The following IL12RB1 variants were observed in gnomAD, a reference collection of about 807,000 sequenced individuals.
IL12RB1 encodes interleukin 12 receptor subunit beta 1.
Under a neutral mutation model 94.4 loss-of-function variants are expected in IL12RB1, and 64 were observed. That is an observed-to-expected ratio of 0.68 (90% CI 0.55 to 0.83). The LOEUF (loss-of-function observed/expected upper bound fraction) is 0.83. IL12RB1 is among the 40% of genes least tolerant of loss of function. The pLI, the probability that IL12RB1 is intolerant of heterozygous loss-of-function variation, is 0.00. For synonymous variants in IL12RB1, 362 were observed against 355.5 expected, an observed-to-expected ratio of 1.02 and a Z score of -0.21; for missense variants, 814 against 855.6, an observed-to-expected ratio of 0.95 and a Z score of 0.61.
Position 18,059,576 on chromosome 19 carries a change from G to T in IL12RB1, c.*32C>A. On this transcript the variant is annotated 3_prime_UTR_variant, in exon 17 of 17. Coordinates refer to ENST00000593993, the MANE Select transcript of IL12RB1 (RefSeq NM_005535.3). ...TCCTGTGTGTGCTACGTAGCCTCGG[G>T]CGAGTCACTCACCCTCTCTGAGCCT... The T allele has an allele frequency of 2.6e-6, 2 of 780,020 alleles. No homozygotes were observed. The highest frequency in any genetic ancestry group is 1.3e-5 in the South Asian group (1 of 74,428). 48.3% of individuals were successfully genotyped at this position (780,020 alleles called of 1,614,324 possible).
intron 15 of IL12RB1, 132 bp downstream of exon 15, chr19:18,060,990 A>G: frequency 6.4e-6 from 4 of 624,334 alleles, no homozygotes; most frequent in South Asian, 1.9e-5. Context: ...TTAAAATGGG[A>G]AGGGGTATGG....
In IL12RB1 at chr19:18,060,099, G is replaced by A. The variant is rs749091032; in HGVS notation, c.1792-14C>T. On this transcript the variant is annotated splice_polypyrimidine_tract_variant and intron_variant, in intron 15 of 16. Coordinates refer to ENST00000593993, the MANE Select transcript of IL12RB1 (RefSeq NM_005535.3). Reference sequence around the variant, plus strand: ...CCACTGCCAAGTCTGCAGAGGGAGGGTAGGGCCACAGCTGTGAGCAGAGCT... The same window carrying A: ...CCACTGCCAAGTCTGCAGAGGGAGGATAGGGCCACAGCTGTGAGCAGAGCT... 2.0e-6 allele frequency: 3 copies of A among 1,503,536 alleles called. No individual in the cohort carries two copies. Among genetic ancestry groups the A allele is most frequent in the Admixed American group, 1.7e-5 (1 of 58,836 alleles). The allele number at this position is 1,503,536 out of a possible 1,614,324, so 93.1% of individuals were successfully genotyped here.
At chr19:18,089,976 C>G (rs543488504), upstream of IL12RB1, among the ~76,000 whole-genome samples, 24 of 152,298 alleles carry the variant, frequency 1.6e-4, no homozygotes, top group African/African-American at 5.8e-4. Context: ...TCTCTGGCCC[C>G]GGGGCCCAGG....
chr19:18,081,618 C>T (rs1211147955), intron 3 of IL12RB1, among the ~76,000 whole-genome samples: 1 of 151,574 alleles, frequency 6.6e-6, no homozygotes, highest in Non-Finnish European at 1.5e-5. Flanking sequence ...GCCAGGAGTT[C>T]AAGACCAGCC....
In IL12RB1 at chr19:18,066,642, A is replaced by G; in HGVS notation, c.1383T>C (p.Ser461=). 1.2e-6 allele frequency: 2 copies of G among 1,611,578 alleles called. No individual in the cohort carries two copies. Among genetic ancestry groups the G allele is most frequent in the South Asian group, 2.2e-5 (2 of 91,036 alleles). ...HVSVKNHSLD[S]VSVDWAPSLL... ...GGGATGGTGCCCAGTCCACAGACACAGAGTCCAAGCTATGATTCTTCACCG... is the reference window on the plus strand; with the variant it reads ...GGGATGGTGCCCAGTCCACAGACACGGAGTCCAAGCTATGATTCTTCACCG... Residue 461 remains serine (S), a synonymous_variant, in exon 12 of 17, where the codon TCT becomes TCC. Coordinates refer to ENST00000593993, the MANE Select transcript of IL12RB1 (RefSeq NM_005535.3).
At chr19:18,073,049 G>A (rs558980143) in intron 8 of IL12RB1, among the ~76,000 whole-genome samples, 1 of 151,968 alleles carries the variant, frequency 6.6e-6, no homozygotes, top group African/African-American at 2.4e-5. Context: ...CAGCCCATTA[G>A]GGACCTGACT....
chr19:18,072,389 A>C (rs374741190), intron 8 of IL12RB1, 40 bp from the exon 9 acceptor site: 91 of 1,305,574 alleles, frequency 7.0e-5, no homozygotes, highest in Middle Eastern at 1.8e-4. Flanking sequence ...GTACCTGATC[A>C]CACTCATCAT....
chr19:18,082,489 A>C (rs1213143956), intron 2 of IL12RB1, among the ~76,000 whole-genome samples: 2 of 149,624 alleles, frequency 1.3e-5, no homozygotes, highest in African/African-American at 2.5e-5. Flanking sequence ...CTCTCTCTCT[A>C]TCCCTCACCC....
chr19:18,076,192 T>C (rs937291255), intron 6 of IL12RB1, 105 bp downstream of exon 6: 2 of 761,226 alleles, frequency 2.6e-6, no homozygotes, highest in East Asian at 2.4e-5. Flanking sequence ...TGGGGCAGGG[T>C]AAGAGGCATA....
Position 18,068,643 on chromosome 19 carries a change from G to T in IL12RB1, c.1190-117C>A, listed in dbSNP as rs1306013564. 5 of 804,892 alleles carry T rather than the reference G, an allele frequency of 6.2e-6. No homozygotes were observed. In the African/African-American group the frequency reaches 8.5e-5, roughly 14 times the overall value. 49.9% of individuals were successfully genotyped at this position (804,892 alleles called of 1,614,324 possible). A position where few individuals can be genotyped will look rare whatever the true frequency, so the allele number is the denominator to read the frequency against. ...AGAAAACTCCTACTCATGTTTCAAA[G>T]CCCTTGCACCAATATCCCCTCCTCC... On this transcript the variant is annotated intron_variant, in intron 10 of 16. Coordinates refer to ENST00000593993, the MANE Select transcript of IL12RB1 (RefSeq NM_005535.3).
intron 1 of IL12RB1, among the ~76,000 whole-genome samples, chr19:18,098,377 G>A (rs916395761): frequency 2.6e-4 from 39 of 150,050 alleles, no homozygotes; most frequent in African/African-American, 9.0e-4. Flanking sequence ...GATTCGATCT[G>A]CGCCCTCAAC....
At chr19:18,095,258 C>G (rs2036837680) in intron 1 of IL12RB1, among the ~76,000 whole-genome samples, 1 of 151,972 alleles carries the variant, frequency 6.6e-6, no homozygotes, top group Non-Finnish European at 1.5e-5. Context: ...GAATAGCTAC[C>G]AAAATGTGAA....
At position 18,066,634 on chromosome 19, in the gene IL12RB1, A is replaced by G. The variant is rs1162752452; in HGVS notation, c.1391T>C (p.Val464Ala). 5 of 1,612,348 alleles carry G rather than the reference A, an allele frequency of 3.1e-6. No individual in the cohort carries two copies. Among genetic ancestry groups the G allele is most frequent in the Non-Finnish European group, 4.2e-6 (5 of 1,178,712 alleles). Residue 464 changes from valine to alanine, a missense_variant, in exon 12 of 17, where the codon GTG (valine) becomes GCG (alanine). Val to Ala is a moderately conservative substitution (Grantham distance 64). Coordinates refer to ENST00000593993, the MANE Select transcript of IL12RB1 (RefSeq NM_005535.3). ...VKNHSLDSVSVDWAPSLLSTC... is the reference protein window; with the variant it reads ...VKNHSLDSVSADWAPSLLSTC... ...GCTCAGCAGGGATGGTGCCCAGTCC[A>G]CAGACACAGAGTCCAAGCTATGATT...
At chr19:18,072,374 T>G (rs377437718) in intron 8 of IL12RB1, 25 bp from the exon 9 acceptor site, 1 of 1,439,498 alleles carries the variant, frequency 6.9e-7, no homozygotes, top group Non-Finnish European at 9.8e-7. Context: ...AAAGACAGCT[T>G]GTGGGTACCT....
At chr19:18,067,636 T>TAAA (rs2034688368) in intron 11 of IL12RB1, among the ~76,000 whole-genome samples, 1 of 152,104 alleles carries the variant, frequency 6.6e-6, no homozygotes, top group Non-Finnish European at 1.5e-5. Context: ...ACCCTGTCTC[T>TAAA]ACTAAAGATA....
chr19:18,074,778 G>A (rs1055445424), intron 7 of IL12RB1, among the ~76,000 whole-genome samples: 2 of 151,176 alleles, frequency 1.3e-5, no homozygotes, highest in Non-Finnish European at 2.9e-5. Flanking sequence ...TAGGCCGGGC[G>A]CGGTGGCTCA....
chr19:18,081,461 C>T (rs564869916), intron 3 of IL12RB1, among the ~76,000 whole-genome samples: 76 of 151,986 alleles, frequency 5.0e-4, no homozygotes, highest in Non-Finnish European at 8.5e-4. Context: ...GGAGATCAGT[C>T]TGGGACTGGA....
In IL12RB1 at chr19:18,072,325, C is replaced by T. The variant is rs1476361701; in HGVS notation, c.808G>A (p.Gly270Ser). Residue 270 changes from glycine to serine, a missense_variant, in exon 9 of 17, where the codon GGC becomes AGC. Coordinates refer to ENST00000593993, the MANE Select transcript of IL12RB1 (RefSeq NM_005535.3). Reference sequence around the variant, plus strand: ...GTGCCAGGCGCCAGCCCTTGACAGCCTTCTGGAAGCTCCAGCTGGGTTGGC... The same window carrying T: ...GTGCCAGGCGCCAGCCCTTGACAGCTTTCTGGAAGCTCCAGCTGGGTTGGC... Reference protein sequence around the residue: ...EQPTQLELPEGCQGLAPGTEV... With the variant: ...EQPTQLELPESCQGLAPGTEV... The T allele has an allele frequency of 1.2e-6, 2 of 1,613,852 alleles. No homozygotes were observed. Among genetic ancestry groups the T allele is most frequent in the African/African-American group, 1.3e-5 (1 of 74,926 alleles).
intron 12 of IL12RB1, 106 bp from the exon 13 acceptor site, chr19:18,064,116 C>A: frequency 1.6e-6 from 1 of 613,154 alleles, no homozygotes; most frequent in South Asian, 1.9e-5. Flanking sequence ...AGGCATTTTG[C>A]TAAAATCTCT....
Sources: gnomAD v4.1 joint callset for allele counts (sites outside exome capture counted in the v4.1 genomes callset) on GRCh38, gnomAD v4.1.1 for gene constraint, MANE v1.5 for transcripts, NCBI Gene and HGNC (gene_info 2026-07-23, HGNC 2026-07-21) for gene names.